The following FOCAD variants were observed in gnomAD, a reference collection of about 807,000 sequenced individuals.
FOCAD encodes KIAA1797.
FOCAD carries 198 observed loss-of-function variants against 225.6 expected under a neutral mutation model. That is an observed-to-expected ratio of 0.88 (90% confidence interval 0.78 to 0.99). The LOEUF (loss-of-function observed/expected upper bound fraction) is 0.99, where lower values mean the gene tolerates loss of function less well. Ranked by LOEUF, FOCAD falls within the 50% of genes least tolerant of loss-of-function variation. The pLI is 0.00. For synonymous variants in FOCAD, 897 were observed against 755.0 expected (o/e 1.19, Z -3.08); for missense variants, 2,713 against 2,123.6 (o/e 1.28, Z -5.46).
intron 41 of FOCAD, 133 bp from the exon 42 acceptor site, chr9:20,989,990 G>T: frequency 1.1e-6 from 1 of 918,486 alleles, no homozygotes; most frequent in East Asian, 2.5e-5. Flanking sequence ...TTCTGGGTGG[G>T]GGTAGGGCAG....
chr9:20,948,176 A>T, intron 30 of FOCAD, 95 bp from the exon 31 acceptor site: 1 of 1,138,442 alleles, frequency 8.8e-7, no homozygotes, highest in East Asian at 2.6e-5. Context: ...TAGGAAAGTT[A>T]GCACTAAAAG....
chr9:20,879,987 C>T (rs1398609277), intron 19 of FOCAD, among the ~76,000 whole-genome samples: 1 of 152,162 alleles, frequency 6.6e-6, no homozygotes, highest in Non-Finnish European at 1.5e-5. Flanking sequence ...TGCCTCTACC[C>T]TCACAAACAG....
In FOCAD at chr9:20,963,722, T is replaced by A. The variant is rs1449310096; in HGVS notation, c.4132+10657T>A. 2.0e-5 allele frequency among the ~76,000 whole-genome samples: 3 copies of A among 152,352 alleles called. No individual in the cohort carries two copies. In the East Asian group the frequency reaches 5.8e-4, roughly 29 times the overall value. ...ACCCCAAAAAGCAACTTAATTTTTG[T>A]GTTTTCTTTTTTGTGAAATCAAAGA... On this transcript the variant is annotated intron_variant, in intron 35 of 43. Transcript: ENST00000338382.
chr9:20,921,030 C>T (rs1030855141), intron 24 of FOCAD, among the ~76,000 whole-genome samples: 3 of 150,708 alleles, frequency 2.0e-5, no homozygotes, highest in Non-Finnish European at 4.4e-5. Flanking sequence ...AAAGTCGAGT[C>T]AATAAAAATT....
intron 15 of FOCAD, among the ~76,000 whole-genome samples, chr9:20,825,956 T>A (rs1013117269): frequency 1.3e-5 from 2 of 152,110 alleles, no homozygotes; most frequent in Non-Finnish European, 2.9e-5. Flanking sequence ...AAGGCAAGAA[T>A]TTAGTCTGGC....
intron 28 of FOCAD, among the ~76,000 whole-genome samples, chr9:20,938,708 A>G (rs1318554357): frequency 1.3e-5 from 2 of 152,160 alleles, no homozygotes; most frequent in Non-Finnish European, 2.9e-5. Flanking sequence ...GTGCACATGT[A>G]CCCTAAAACT....
At chr9:20,866,069 C>T in intron 17 of FOCAD, 93 bp downstream of exon 17, 1 of 1,086,884 alleles carries the variant, frequency 9.2e-7, no homozygotes, top group Non-Finnish European at 1.3e-6. Flanking sequence ...AAAAGTACAA[C>T]TGCCTTGAAA....
chr9:20,962,524 C>G (rs1449902243), intron 35 of FOCAD, among the ~76,000 whole-genome samples: 1 of 151,904 alleles, frequency 6.6e-6, no homozygotes, highest in African/African-American at 2.4e-5. Context: ...TATGTCCAAA[C>G]CACAAAAGCA....
intron 10 of FOCAD, among the ~76,000 whole-genome samples, chr9:20,785,274 C>T (rs1256371208): frequency 6.6e-6 from 1 of 152,112 alleles, no homozygotes; most frequent in Non-Finnish European, 1.5e-5. Context: ...TCATTTAAAG[C>T]ATGCAATTCA....
intron 19 of FOCAD, among the ~76,000 whole-genome samples, chr9:20,879,123 G>A (rs1021648667): frequency 2.6e-5 from 4 of 152,066 alleles, no homozygotes; most frequent in Non-Finnish European, 4.4e-5. Context: ...AGGTTTCTAG[G>A]TATTCCTTAA....
intron 15 of FOCAD, among the ~76,000 whole-genome samples, chr9:20,826,227 C>G (rs536739094): frequency 2.0e-5 from 3 of 152,068 alleles, no homozygotes; most frequent in East Asian, 1.9e-4. Flanking sequence ...CAGGCCCACC[C>G]TCAAACTGGG....
chr9:20,989,202 G>A (rs1841444275), intron 41 of FOCAD, among the ~76,000 whole-genome samples: 1 of 152,042 alleles, frequency 6.6e-6, no homozygotes, highest in African/African-American at 2.4e-5. Context: ...TTGAAGTTCT[G>A]CCCAGTTTTT....
intron 14 of FOCAD, 127 bp downstream of exon 14, chr9:20,821,198 T>A: frequency 1.3e-6 from 1 of 784,434 alleles, no homozygotes; most frequent in Non-Finnish European, 1.8e-6. Flanking sequence ...TTTTTTAACT[T>A]AAGTTTTCTG....
At chr9:20,771,733 C>T (rs901255305) in intron 8 of FOCAD, among the ~76,000 whole-genome samples, 7 of 152,148 alleles carry the variant, frequency 4.6e-5, no homozygotes, top group Non-Finnish European at 8.8e-5. Flanking sequence ...CCAGCCTGGG[C>T]GACACAGCAG....
intron 21 of FOCAD, among the ~76,000 whole-genome samples, chr9:20,903,241 G>A (rs970558901): frequency 6.6e-6 from 1 of 151,668 alleles, no homozygotes; most frequent in Non-Finnish European, 1.5e-5. Flanking sequence ...ATTTTACTTC[G>A]GTTTTCTGTC....
chr9:20,667,897 G>A (rs568204716), intron 2 of FOCAD, among the ~76,000 whole-genome samples: 67 of 152,112 alleles, frequency 4.4e-4, no homozygotes, highest in Non-Finnish European at 8.1e-4. Context: ...TCATTCTGGT[G>A]TAGATAACAG....
chr9:20,760,138 A>G (rs920066023), intron 6 of FOCAD, among the ~76,000 whole-genome samples: 1 of 152,086 alleles, frequency 6.6e-6, no homozygotes, highest in African/African-American at 2.4e-5. Flanking sequence ...AACATCCCTC[A>G]GAAGGATATA....
intron 15 of FOCAD, among the ~76,000 whole-genome samples, chr9:20,855,198 C>T (rs939015395): frequency 6.6e-6 from 1 of 151,270 alleles, no homozygotes; most frequent in Admixed American, 6.6e-5. Flanking sequence ...AAAACTTTCC[C>T]ATGTATAAGA....
chr9:20,953,079 T>C lies in FOCAD; in HGVS notation c.4132+14T>C, dbSNP rs1245445289. 3 of 1,598,184 alleles carry C rather than the reference T, an allele frequency of 1.9e-6. No homozygotes were observed. Among genetic ancestry groups the C allele is most frequent in the Admixed American group, 3.4e-5 (2 of 59,422 alleles). Reference sequence around the variant, plus strand: ...GAGGAAAAAAAGGCAAGTGAGCACATTTCTTGAATTTTATCATTCTATCTC... The same window carrying C: ...GAGGAAAAAAAGGCAAGTGAGCACACTTCTTGAATTTTATCATTCTATCTC... On this transcript the variant is annotated intron_variant, in intron 35 of 43. Coordinates refer to ENST00000338382, the MANE Select transcript of FOCAD (RefSeq NM_001375567.1).
Sources: allele counts gnomAD v4.1 joint callset (sites outside exome capture counted in the v4.1 genomes callset), GRCh38; gene constraint gnomAD v4.1.1; transcripts MANE v1.5; gene names NCBI Gene and HGNC (gene_info 2026-07-23, HGNC 2026-07-21).